The following CRYL1 variants were observed in gnomAD, a reference collection of about 807,000 sequenced individuals.
CRYL1 encodes crystallin lambda 1, also known as lambda-crystallin homolog.
CRYL1 carries 29 observed loss-of-function variants against 36.6 expected under a neutral mutation model. The ratio of observed to expected loss-of-function variants is 0.79; its 90% CI spans 0.59 to 1.08. CRYL1 has a LOEUF of 1.08. CRYL1 is among the 50% of genes least tolerant of loss of function. The pLI, the probability that CRYL1 is intolerant of heterozygous loss-of-function variation, is 0.00. For missense variants in CRYL1, 411 were observed against 407.9 expected, an observed-to-expected ratio of 1.01 and a Z score of -0.06; for synonymous variants, 152 against 151.5, an observed-to-expected ratio of 1.00 and a Z score of -0.02.
At chr13:20,515,491 A>G (rs1315570668) in intron 1 of CRYL1, among the ~76,000 whole-genome samples, 1 of 152,174 alleles carries the variant, frequency 6.6e-6, no homozygotes, top group Non-Finnish European at 1.5e-5. Flanking sequence ...AGTTGAGTAG[A>G]AGGGTGAGGG....
chr13:20,484,034 T>C (rs1010431341), intron 3 of CRYL1, among the ~76,000 whole-genome samples: 3 of 152,194 alleles, frequency 2.0e-5, no homozygotes, highest in African/African-American at 7.2e-5. Context: ...GCCAGGATGG[T>C]CTCCATCTCC....
chr13:20,442,858 C>G (rs2032377519), intron 3 of CRYL1, among the ~76,000 whole-genome samples: 1 of 152,222 alleles, frequency 6.6e-6, no homozygotes, highest in South Asian at 2.1e-4. Flanking sequence ...CCACCATCGG[C>G]ATGCCCTGAT....
At chr13:20,479,905 C>A (rs76855211) in intron 3 of CRYL1, among the ~76,000 whole-genome samples, 1 of 152,280 alleles carries the variant, frequency 6.6e-6, no homozygotes, top group South Asian at 2.1e-4. Context: ...CGCTCTCCCA[C>A]GGCACACAGT....
rs1055713270 is a variant in CRYL1 at position 20,482,752 on chromosome 13, T to C, written c.276+6618A>G. On this transcript the variant is annotated intron_variant, in intron 3 of 7. Coordinates refer to ENST00000298248, the MANE Select transcript of CRYL1 (RefSeq NM_015974.3). ...GTGGCAAGCAGTCTGTGTGTGTGTG[T>C]GTGTGCGCGCGTGTGTGTGCGCACG... 2.0e-5 allele frequency among the ~76,000 whole-genome samples: 3 copies of C among 152,278 alleles called. No individual in the cohort carries two copies. The East Asian group carries it at 5.8e-4, about 29-fold the overall frequency.
chr13:20,459,026 G>A (rs1049484302), intron 3 of CRYL1, among the ~76,000 whole-genome samples: 1 of 152,082 alleles, frequency 6.6e-6, no homozygotes, highest in African/African-American at 2.4e-5. Flanking sequence ...ACAAGGTCAG[G>A]AGATCAAGAC....
intron 3 of CRYL1, among the ~76,000 whole-genome samples, chr13:20,457,188 A>AC (rs1490883473): frequency 6.6e-6 from 1 of 151,882 alleles, no homozygotes; most frequent in African/African-American, 2.4e-5. Flanking sequence ...CTGGGCTGTG[A>AC]CCCCTCCAAG....
intron 2 of CRYL1, among the ~76,000 whole-genome samples, chr13:20,494,725 C>T (rs138834732): frequency 7.9e-4 from 121 of 152,272 alleles, no homozygotes; most frequent in African/African-American, 2.7e-3. Flanking sequence ...TCTTGTTCCT[C>T]GATCCTCCAG....
At chr13:20,512,164 C>CG (rs2033927090) in intron 2 of CRYL1, among the ~76,000 whole-genome samples, 2 of 152,324 alleles carry the variant, frequency 1.3e-5, no homozygotes, top group Admixed American at 1.3e-4. Context: ...CCTCCAGCCC[C>CG]GGGGCAAACA....
In CRYL1 at chr13:20,463,665, G is replaced by A. The variant is rs146091122; in HGVS notation, c.277-23911C>T. Reference sequence around the variant, plus strand: ...TTAAACAAGGACAGGTAGCTAGCTCGGGGTCCCACACAAATTGAAACCATG... The same window carrying A: ...TTAAACAAGGACAGGTAGCTAGCTCAGGGTCCCACACAAATTGAAACCATG... On this transcript the variant is annotated intron_variant, in intron 3 of 7. Transcript: ENST00000298248. 2.5e-3 allele frequency among the ~76,000 whole-genome samples: 384 copies of A among 152,160 alleles called. 3 individuals carry two copies. Among genetic ancestry groups the A allele is most frequent in the African/African-American group, 8.8e-3 (367 of 41,484 alleles).
intron 3 of CRYL1, among the ~76,000 whole-genome samples, chr13:20,474,289 C>T (rs1198984074): frequency 6.6e-6 from 1 of 152,172 alleles, no homozygotes; most frequent in African/African-American, 2.4e-5. Context: ...ACCTCCGGTC[C>T]GGGACCAGCG....
rs1357774356 is a variant in CRYL1, at chr13:20,415,694, G to A, written c.634-2307C>T. On this transcript the variant is annotated intron_variant, in intron 5 of 7. Coordinates refer to ENST00000298248, the MANE Select transcript of CRYL1 (RefSeq NM_015974.3). This position sits in a 1 kb window ranked among gnomAD's most constrained non-coding sequence, Gnocchi z 4.1. ...ACAAAGCAAACGCTTGGCCTCGCCT[G>A]CCGCAGACTCCGCCCGCTTCTAGAG... 6.6e-6 allele frequency among the ~76,000 whole-genome samples: 1 copy of A among 152,208 alleles called. No homozygotes were observed. Among genetic ancestry groups the A allele is most frequent in the African/African-American group, 2.4e-5 (1 of 41,464 alleles).
chr13:20,480,978 T>C (rs73445920), intron 3 of CRYL1, among the ~76,000 whole-genome samples: 5,702 of 152,050 alleles, frequency 0.038, 333 homozygotes, highest in African/African-American at 0.13. Context: ...AAGCTATACA[T>C]ACTACAAAAA....
intron 6 of CRYL1, among the ~76,000 whole-genome samples, chr13:20,412,139 T>G (rs990940467): frequency 6.6e-6 from 1 of 152,108 alleles, no homozygotes; most frequent in Admixed American, 6.6e-5. Flanking sequence ...CTTACCCACT[T>G]AAAGCATGGG....
intron 3 of CRYL1, among the ~76,000 whole-genome samples, chr13:20,454,749 A>G (rs1297888013): frequency 2.0e-5 from 3 of 152,164 alleles, no homozygotes; most frequent in African/African-American, 7.2e-5. Context: ...ACTCTCAGCA[A>G]TCTAGGAATA....
chr13:20,519,103 T>C (rs1380378704), intron 1 of CRYL1, among the ~76,000 whole-genome samples: 1 of 152,100 alleles, frequency 6.6e-6, no homozygotes, highest in East Asian at 1.9e-4. Flanking sequence ...AGATGTGGTA[T>C]TAAAAGTGTG....
At chr13:20,431,646 T>TCTAACAAGTAA (rs1251036260) in intron 5 of CRYL1, 1 of 1,071,952 alleles carries the variant, frequency 9.3e-7, no homozygotes, top group Non-Finnish European at 1.1e-6. Context: ...AAGCATTTAC[T>TCTAACAAGTAA]CTAACAAGTC....
At chr13:20,431,621 C>A in intron 5 of CRYL1, 1 of 1,046,632 alleles carries the variant, frequency 9.6e-7, no homozygotes. Context: ...ATCATTTCCT[C>A]TTTATAGGTA....
chr13:20,493,619 C>T (rs1301148078), intron 2 of CRYL1, among the ~76,000 whole-genome samples: 2 of 152,106 alleles, frequency 1.3e-5, no homozygotes, highest in African/African-American at 2.4e-5. Context: ...GAGATCACGC[C>T]ACTGCACTCC....
chr13:20,405,468 G>T (rs978229751), intron 6 of CRYL1, among the ~76,000 whole-genome samples: 1 of 152,196 alleles, frequency 6.6e-6, no homozygotes, highest in African/African-American at 2.4e-5. Context: ...CATTTTCCAA[G>T]AATTAAAAAT....
Sources: gnomAD v4.1 joint callset for allele counts (sites outside exome capture counted in the v4.1 genomes callset) on GRCh38, gnomAD v4.1.1 for gene constraint, Gnocchi (gnomAD v3.1) non-coding constraint, MANE v1.5 for transcripts, NCBI Gene and HGNC (gene_info 2026-07-23, HGNC 2026-07-21) for gene names.